TCTN1: variants seen among roughly 807,000 people sequenced by gnomAD.
The protein encoded by TCTN1 is tectonic family member 1, also known as tectonic-1.
TCTN1 carries 58 observed loss-of-function variants against 65.8 expected under a neutral mutation model. The ratio of observed to expected loss-of-function variants is 0.88; its 90% CI spans 0.71 to 1.10. The LOEUF is 1.10. Among genes scored for constraint, TCTN1 ranks in the 50% least tolerant of loss-of-function variants. TCTN1 has a pLI of 0.00. For missense variants in TCTN1, 645 were observed against 719.4 expected (o/e 0.90, Z 1.18); for synonymous variants, 273 against 289.1 (o/e 0.94, Z 0.57).
rs762038128 is a variant in TCTN1 at position 110,647,790 on chromosome 12, G to A, written c.1677G>A (p.Ala559=). The A allele has an allele frequency of 1.2e-5, 19 of 1,614,044 alleles. No homozygotes were observed. Among genetic ancestry groups the A allele is most frequent in the Admixed American group, 1.7e-5 (1 of 59,996 alleles). ...AAAGGACGATTCTTATTTCCACTGC[G>A]GTTACTTTTGTGGATGTGTCTGCAC... ...GNERTILIST[A]VTFVDVSAPA... is the part of the protein sequence containing the mutation. Residue 559 remains alanine, a synonymous_variant, in exon 14 of 15, where the codon GCG becomes GCA. Transcript: ENST00000397659.
rs746762574 is a variant in TCTN1, at chr12:110,641,069, G to A, written c.1024G>A (p.Ala342Thr). The A allele has an allele frequency of 1.2e-6, 2 of 1,614,116 alleles. No homozygotes were observed. Among genetic ancestry groups the A allele is most frequent in the East Asian group, 2.2e-5 (1 of 44,908 alleles). Reference protein sequence around the residue: ...TYTDAGEVTKADLSFVLGTVS... With the variant: ...TYTDAGEVTKTDLSFVLGTVS... Reference sequence around the variant, plus strand: ...CACAGATGCAGGTGAAGTCACCAAAGCTGATCTCTCATTCGTTCTGGGGAC... The same window carrying A: ...CACAGATGCAGGTGAAGTCACCAAAACTGATCTCTCATTCGTTCTGGGGAC... Residue 342 changes from alanine to threonine, a missense_variant, in exon 9 of 15, where the codon GCT becomes ACT. Physicochemically the swap from Ala to Thr is moderately conservative, Grantham distance 58. Transcript: ENST00000397659.
chr12:110,638,003 G>A (rs1476956208), intron 7 of TCTN1, among the ~76,000 whole-genome samples: 1 of 152,170 alleles, frequency 6.6e-6, no homozygotes, highest in African/African-American at 2.4e-5. Flanking sequence ...TGTTCTAAGT[G>A]CTGTATGTGT....
intron 9 of TCTN1, 55 bp from the exon 10 acceptor site, chr12:110,641,487 C>G: frequency 1.3e-6 from 2 of 1,512,934 alleles, no homozygotes; most frequent in Admixed American, 3.3e-5. Flanking sequence ...TTTCTTCCTG[C>G]CATTTCCTTA....
chr12:110,636,437 TTTG>T (rs774761104), intron 6 of TCTN1, 41 bp from the exon 7 acceptor site: 1 of 1,296,364 alleles, frequency 7.7e-7, no homozygotes, highest in South Asian at 1.2e-5. Flanking sequence ...AATACTTCTT[TTTG>T]TTGTACTTAA....
intron 1 of TCTN1, among the ~76,000 whole-genome samples, chr12:110,617,975 G>A (rs187669307): frequency 3.3e-5 from 5 of 151,868 alleles, no homozygotes; most frequent in South Asian, 2.1e-4. Context: ...CCTTTTTATC[G>A]TGAAATAATT....
At chr12:110,647,919 T>C in intron 14 of TCTN1, 26 bp downstream of exon 14, 1 of 1,611,866 alleles carries the variant, frequency 6.2e-7, no homozygotes, top group Non-Finnish European at 8.5e-7. Context: ...ACGCCCCTCC[T>C]CTGAGGTCAT....
Position 110,628,907 on chromosome 12 carries a change from G to T in TCTN1, c.613G>T (p.Ala205Ser). The T allele has an allele frequency of 2.5e-6, 4 of 1,613,526 alleles. No individual in the cohort carries two copies. Among genetic ancestry groups the T allele is most frequent in the Non-Finnish European group, 8.5e-7 (1 of 1,179,930 alleles). ...AACCAAACTGGATATTCCTACTGCT[G>T]CTAAATATGAGGTGAGCCTGAACTT... ...FTTKLDIPTA[A>S]KYEYGVPLQT... Residue 205 changes from alanine (A) to serine (S), a missense_variant, in exon 4 of 15, where the codon GCT becomes TCT. Transcript: ENST00000397659.
In TCTN1 at chr12:110,647,265, G is replaced by T. The variant is rs775938931; in HGVS notation, c.1564G>T (p.Gly522Ter). 3.7e-6 allele frequency: 6 copies of T among 1,614,128 alleles called. No individual in the cohort carries two copies. In the South Asian group the frequency reaches 4.4e-5, roughly 12 times the overall value. Residue 522 changes from glycine (G) to a stop codon, truncating the protein, a stop_gained, in exon 13 of 15, where the codon GGA (glycine) becomes TGA (stop). Transcript: ENST00000397659. LOFTEE classifies it high-confidence loss of function. ...TATAGAAGTGAAGTGGACTAAATAC[G>T]GATCCCTGCTGAATCCACAGGCCAA... ...LVIEVKWTKY[G>*]SLLNPQAKIV...
intron 1 of TCTN1, 93 bp from the exon 2 acceptor site, chr12:110,619,743 T>C: frequency 6.3e-7 from 1 of 1,594,426 alleles, no homozygotes; most frequent in South Asian, 1.1e-5. Flanking sequence ...GGATCTTTTT[T>C]ATGAAATTGA....
At position 110,644,717 on chromosome 12, in the gene TCTN1, A is replaced by G; in HGVS notation, c.1332-250A>G. The stretch of plus-strand genomic sequence containing the variant: ...AACCAAAAATCAAAACTTAAAAAAC[A>G]AAAAACTGCTGGTGGGCTGGGTGTG... On this transcript the variant is annotated intron_variant, in intron 11 of 14. Transcript: ENST00000397659. This position sits in a 1 kb window ranked among gnomAD's most constrained non-coding sequence, Gnocchi z 4.6. 1.9e-6 allele frequency: 1 copy of G among 533,576 alleles called. No homozygotes were observed. The highest frequency in any genetic ancestry group is 3.4e-5 in the East Asian group (1 of 28,992). The allele number at this position is 533,576 out of a possible 1,614,324, so 33.1% of individuals were successfully genotyped here.
At chr12:110,622,092 G>T (rs141906403) in intron 2 of TCTN1, among the ~76,000 whole-genome samples, 25 of 151,662 alleles carry the variant, frequency 1.6e-4, no homozygotes, top group African/African-American at 5.1e-4. Context: ...AGCCAAGATC[G>T]CACCATTGCA....
intron 2 of TCTN1, among the ~76,000 whole-genome samples, chr12:110,620,668 G>T (rs116739925): frequency 4.9e-4 from 75 of 152,132 alleles, no homozygotes; most frequent in African/African-American, 1.7e-3. Context: ...TAAGAAATCT[G>T]TACTTTTCTG....
chr12:110,642,947 G>A (rs1014555297), intron 11 of TCTN1, among the ~76,000 whole-genome samples: 2 of 152,104 alleles, frequency 1.3e-5, no homozygotes, highest in East Asian at 1.9e-4. Flanking sequence ...GTAGAGACGG[G>A]GTTTCACCAT....
intron 1 of TCTN1, among the ~76,000 whole-genome samples, chr12:110,617,660 A>G (rs865820224): frequency 1.4e-4 from 20 of 138,360 alleles, no homozygotes; most frequent in African/African-American, 3.9e-4. Flanking sequence ...TTTTTTTTTG[A>G]GATGGAATCT....
chr12:110,647,032 T>C (rs1421850182), intron 12 of TCTN1, 164 bp from the exon 13 acceptor site: 1 of 798,942 alleles, frequency 1.3e-6, no homozygotes, highest in East Asian at 2.7e-5. Flanking sequence ...ATTGAGTTAC[T>C]TTAAAACACG....
intron 10 of TCTN1, chr12:110,641,878 C>CTTT: frequency 2.2e-6 from 1 of 455,546 alleles, no homozygotes; most frequent in South Asian, 3.0e-5. Flanking sequence ...TTTTAATCTC[C>CTTT]TTTTTTTTTT....
intron 12 of TCTN1, chr12:110,645,568 G>A (rs1243802200): frequency 8.5e-6 from 2 of 236,460 alleles, no homozygotes; most frequent in South Asian, 5.6e-5. Flanking sequence ...CAAAGACTGA[G>A]ACTGACTTCC....
intron 2 of TCTN1, among the ~76,000 whole-genome samples, chr12:110,624,248 C>T (rs1174676277): frequency 6.6e-6 from 1 of 151,896 alleles, no homozygotes; most frequent in Non-Finnish European, 1.5e-5. Flanking sequence ...ATAGGTCTTG[C>T]TCTGTCACCC....
At chr12:110,623,693 GTCC>G (rs2065611454) in intron 2 of TCTN1, among the ~76,000 whole-genome samples, 1 of 152,096 alleles carries the variant, frequency 6.6e-6, no homozygotes, top group Non-Finnish European at 1.5e-5. Flanking sequence ...GGCTCAAGCA[GTCC>G]TCCTACCTCA....
Sources: gnomAD v4.1 joint callset for allele counts (sites outside exome capture counted in the v4.1 genomes callset) on GRCh38, gnomAD v4.1.1 for gene constraint, Gnocchi (gnomAD v3.1) non-coding constraint, MANE v1.5 for transcripts, NCBI Gene and HGNC (gene_info 2026-07-23, HGNC 2026-07-21) for gene names.